Variants in TYW1B observed in about 807,000 individuals in gnomAD.
TYW1B encodes S-adenosyl-L-methionine-dependent tRNA 4-demethylwyosine synthase TYW1B.
TYW1B carries 73 observed loss-of-function variants against 86.9 expected under a neutral mutation model. That is an observed-to-expected ratio of 0.84 (90% CI 0.70 to 1.02). The LOEUF (loss-of-function observed/expected upper bound fraction) is 1.02. Ranked by LOEUF, TYW1B falls within the 50% of genes least tolerant of loss-of-function variation. TYW1B has a pLI of 0.00. For synonymous variants in TYW1B, 248 were observed against 292.8 expected, an observed-to-expected ratio of 0.85 and a Z score of 1.56; for missense variants, 637 against 827.4, an observed-to-expected ratio of 0.77 and a Z score of 2.82.
At chr7:72,593,415 A>G (rs1260192755) in intron 13 of TYW1B, among the ~76,000 whole-genome samples, 1 of 152,236 alleles carries the variant, frequency 6.6e-6, no homozygotes, top group African/African-American at 2.4e-5. Flanking sequence ...TCCCAAGTAC[A>G]CATGGGACAT....
At chr7:72,672,875 GATCCATAA>G (rs1813643495) in intron 11 of TYW1B, among the ~76,000 whole-genome samples, 1 of 152,170 alleles carries the variant, frequency 6.6e-6, no homozygotes, top group African/African-American at 2.4e-5. Flanking sequence ...GATTTCAAAA[GATCCATAA>G]ATAGGCCGGG....
chr7:72,713,633 G>T lies in TYW1B; in HGVS notation c.1358C>A (p.Pro453His), dbSNP rs782407348. ...SSFLVTNAQF[P>H]AEIRNLEPVT... is the part of the protein sequence containing the mutation. ...CTGGAGAACTCACCTGATTTCCGCA[G>T]GAAATTGTGCATTTGTGACCAGGAA... The change falls in exon 10 of 14, where the codon CCT becomes CAT. Residue 453 changes from proline (P) to histidine (H), a missense_variant. Coordinates refer to ENST00000620995, the MANE Select transcript of TYW1B (RefSeq NM_001145440.3). 6.2e-7 allele frequency: 1 copy of T among 1,613,600 alleles called. No individual in the cohort carries two copies. Among genetic ancestry groups the T allele is most frequent in the East Asian group, 2.2e-5 (1 of 44,872 alleles).
chr7:72,814,943 C>T (rs1311030223), intron 3 of TYW1B, among the ~76,000 whole-genome samples: 1 of 151,066 alleles, frequency 6.6e-6, no homozygotes, highest in African/African-American at 2.4e-5. Context: ...GTGACACATG[C>T]CTGTAAATCC....
chr7:72,717,562 A>G (rs782056418), intron 9 of TYW1B, among the ~76,000 whole-genome samples: 1 of 152,094 alleles, frequency 6.6e-6, no homozygotes, highest in Non-Finnish European at 1.5e-5. Context: ...CCTAGTTCAG[A>G]GCTCAGAACA....
At chr7:72,778,347 C>A (rs547618935) in intron 6 of TYW1B, among the ~76,000 whole-genome samples, 2 of 152,188 alleles carry the variant, frequency 1.3e-5, no homozygotes, top group Non-Finnish European at 2.9e-5. Context: ...CATCTCTAAA[C>A]CCCAAAAACA....
intron 10 of TYW1B, among the ~76,000 whole-genome samples, chr7:72,702,377 G>A (rs1814495789): frequency 6.6e-6 from 1 of 151,992 alleles, no homozygotes; most frequent in Non-Finnish European, 1.5e-5. Flanking sequence ...GTGGTTGTGA[G>A]TTACTGGTTT....
intron 5 of TYW1B, among the ~76,000 whole-genome samples, chr7:72,806,818 A>G (rs1357030397): frequency 6.6e-6 from 1 of 151,720 alleles, no homozygotes; most frequent in African/African-American, 2.4e-5. Flanking sequence ...GCCTTGCTAA[A>G]TTTAAAATTA....
intron 9 of TYW1B, among the ~76,000 whole-genome samples, chr7:72,726,083 T>C (rs1554458656): frequency 6.6e-6 from 1 of 152,218 alleles, no homozygotes; most frequent in African/African-American, 2.4e-5. Context: ...AAATTCCAGA[T>C]GTGGAGCTTA....
At chr7:72,578,382 T>C (rs1554429149) in intron 13 of TYW1B, among the ~76,000 whole-genome samples, 12 of 152,316 alleles carry the variant, frequency 7.9e-5, no homozygotes, top group Admixed American at 6.5e-5. Context: ...CCCAAAGTGC[T>C]GGGATAACAG....
intron 11 of TYW1B, among the ~76,000 whole-genome samples, chr7:72,661,135 C>CAAA: frequency 9.2e-6 from 1 of 108,308 alleles, no homozygotes; most frequent in East Asian, 2.4e-4. Context: ...ACTCTGTCTC[C>CAAA]AAAAAAAAAA....
chr7:72,734,257 C>CAAAAAAAAAAAAGAA (rs111714599), intron 8 of TYW1B, among the ~76,000 whole-genome samples: 1 of 35,818 alleles, frequency 2.8e-5, no homozygotes. Flanking sequence ...AACTCCATCT[C>CAAAAAAAAAAAAGAA]AAAAAAAAAA....
intron 13 of TYW1B, among the ~76,000 whole-genome samples, chr7:72,604,623 T>G (rs1384162128): frequency 6.6e-6 from 1 of 152,166 alleles, no homozygotes; most frequent in Non-Finnish European, 1.5e-5. Context: ...TTTCAGTGTT[T>G]CTGCACTAAA....
At position 72,770,188 on chromosome 7, in the gene TYW1B, T is replaced by G. The variant is rs1787841230; in HGVS notation, c.964+7228A>C. ...GCTCAAACCTGTAATCCCAGCACTT[T>G]GGGAGGCCTAGGTGGGCAGATCACG... On this transcript the variant is annotated intron_variant, in intron 7 of 13. Transcript: ENST00000620995. 2.0e-5 allele frequency among the ~76,000 whole-genome samples: 3 copies of G among 151,766 alleles called. No individual in the cohort carries two copies. In the South Asian group the frequency reaches 6.2e-4, roughly 31 times the overall value.
intron 7 of TYW1B, among the ~76,000 whole-genome samples, chr7:72,757,999 G>C (rs557379092): frequency 1.3e-5 from 2 of 152,290 alleles, no homozygotes; most frequent in Middle Eastern, 3.4e-3. Context: ...GGGCAGATCA[G>C]TTGAGGTCAG....
intron 7 of TYW1B, among the ~76,000 whole-genome samples, chr7:72,756,841 G>A (rs1387965389): frequency 1.3e-5 from 2 of 152,080 alleles, no homozygotes; most frequent in African/African-American, 2.4e-5. Flanking sequence ...TTGAAGAGAC[G>A]TTTCTCTAAG....
intron 7 of TYW1B, among the ~76,000 whole-genome samples, chr7:72,747,082 T>G (rs1787408442): frequency 1.3e-5 from 2 of 152,166 alleles, no homozygotes; most frequent in Admixed American, 1.3e-4. Flanking sequence ...CAGCATTTGT[T>G]GAAAATTTCA....
intron 11 of TYW1B, among the ~76,000 whole-genome samples, chr7:72,645,570 G>C (rs1812909934): frequency 6.6e-6 from 1 of 152,088 alleles, no homozygotes; most frequent in African/African-American, 2.4e-5. Flanking sequence ...AATAAATCGT[G>C]GCATACTCAT....
intron 6 of TYW1B, among the ~76,000 whole-genome samples, chr7:72,797,769 AGG>A (rs1297229406): frequency 1.3e-5 from 2 of 152,256 alleles, no homozygotes; most frequent in Admixed American, 1.3e-4. Context: ...TAGTGCTTTC[AGG>A]GAGTTCTGTG....
chr7:72,614,493 T>G (rs112105596), intron 13 of TYW1B, among the ~76,000 whole-genome samples: 9 of 151,716 alleles, frequency 5.9e-5, no homozygotes, highest in African/African-American at 2.2e-4. Flanking sequence ...ATTAAATGGG[T>G]GTGGTGGCTC....
Sources: gnomAD v4.1 joint callset for allele counts (sites outside exome capture counted in the v4.1 genomes callset) on GRCh38, gnomAD v4.1.1 for gene constraint, MANE v1.5 for transcripts, NCBI Gene and HGNC (gene_info 2026-07-23, HGNC 2026-07-21) for gene names.